LINGO2: variants seen among roughly 807,000 people sequenced by gnomAD.
LINGO2 encodes leucine rich repeat and Ig domain containing 2.
LINGO2 carries 14 observed loss-of-function variants against 30.6 expected under a neutral mutation model. The observed-to-expected ratio is 0.46, with a 90% CI of 0.30 to 0.72. The LOEUF is 0.72. Among genes scored for constraint, LINGO2 ranks in the 30% least tolerant of loss-of-function variants. LINGO2 has a pLI of 0.07. For synonymous variants in LINGO2, 317 were observed against 288.5 expected (o/e 1.10, Z -1.00); for missense variants, 729 against 751.7 (o/e 0.97, Z 0.35).
intron 4 of LINGO2, among the ~76,000 whole-genome samples, chr9:28,057,420 G>A (rs1457496333): frequency 6.6e-6 from 1 of 151,516 alleles, no homozygotes; most frequent in East Asian, 1.9e-4. Flanking sequence ...CGCTTTTGAG[G>A]ATTAGTGTTC....
intron 5 of LINGO2, among the ~76,000 whole-genome samples, chr9:27,981,438 A>T (rs1339144718): frequency 1.3e-5 from 2 of 150,816 alleles, no homozygotes; most frequent in African/African-American, 2.4e-5. Flanking sequence ...TTATTTCTAC[A>T]AACCTCACAC....
intron 1 of LINGO2, among the ~76,000 whole-genome samples, chr9:28,646,588 G>T (rs987049569): frequency 6.6e-6 from 1 of 151,664 alleles, no homozygotes; most frequent in African/African-American, 2.4e-5. Context: ...AAAATAGAAA[G>T]ATTGATCCAT....
At chr9:28,954,055 C>T in the LINGO2 span, among the ~76,000 whole-genome samples, 2 of 152,082 alleles carry the variant, frequency 1.3e-5, no homozygotes, top group African/African-American at 4.8e-5. Flanking sequence ...AGTGTCACAC[C>T]TATGGTAGCA....
chr9:28,103,575 AG>A (rs1462017926), intron 4 of LINGO2, among the ~76,000 whole-genome samples: 1 of 152,200 alleles, frequency 6.6e-6, no homozygotes, highest in Non-Finnish European at 1.5e-5. Context: ...CCCAAGAAGC[AG>A]AACTGCCACA....
intron 1 of LINGO2, among the ~76,000 whole-genome samples, chr9:28,619,834 G>A (rs1826311189): frequency 6.6e-6 from 1 of 151,986 alleles, no homozygotes; most frequent in South Asian, 2.1e-4. Flanking sequence ...AGCTTATAGG[G>A]GTGAAGTAAT....
the LINGO2 span, among the ~76,000 whole-genome samples, chr9:28,746,312 T>G: frequency 9.2e-5 from 14 of 152,066 alleles, 1 homozygote; most frequent in African/African-American, 3.1e-4. Context: ...TTACTTAATT[T>G]TAAATAAAAT....
At chr9:28,900,200 T>A in the LINGO2 span, among the ~76,000 whole-genome samples, 3 of 152,060 alleles carry the variant, frequency 2.0e-5, no homozygotes, top group Non-Finnish European at 2.9e-5. Flanking sequence ...AGCAGCTGGC[T>A]GGCCACTGGC....
intron 2 of LINGO2, among the ~76,000 whole-genome samples, chr9:28,429,947 C>T (rs1369494506): frequency 6.6e-6 from 1 of 152,074 alleles, no homozygotes; most frequent in Non-Finnish European, 1.5e-5. Context: ...TTTGCAAACC[C>T]CTGTAGCACC....
intron 4 of LINGO2, among the ~76,000 whole-genome samples, chr9:28,229,017 T>G (rs537352010): frequency 6.6e-6 from 1 of 151,938 alleles, no homozygotes; most frequent in South Asian, 2.1e-4. Context: ...CCACATTTAT[T>G]AATCAGAATA....
chr9:28,531,206 CA>C (rs1461812877), intron 1 of LINGO2, among the ~76,000 whole-genome samples: 1 of 151,944 alleles, frequency 6.6e-6, no homozygotes, highest in Non-Finnish European at 1.5e-5. Flanking sequence ...TCCAAAATGA[CA>C]TATGATCAGC....
chr9:29,200,239 C>T, the LINGO2 span, among the ~76,000 whole-genome samples: 4 of 152,024 alleles, frequency 2.6e-5, no homozygotes, highest in Non-Finnish European at 5.9e-5. Flanking sequence ...GACTCTGTAA[C>T]ATTGGCCAAA....
intron 1 of LINGO2, among the ~76,000 whole-genome samples, chr9:28,520,502 T>G (rs1820788315): frequency 6.6e-6 from 1 of 152,168 alleles, no homozygotes; most frequent in Admixed American, 6.5e-5. Context: ...TGCTTTTCTT[T>G]TTTAAGGCAG....
At chr9:28,662,376 T>C (rs980940049) in intron 1 of LINGO2, among the ~76,000 whole-genome samples, 4 of 152,198 alleles carry the variant, frequency 2.6e-5, no homozygotes, top group African/African-American at 7.2e-5. Context: ...GTCTAAATTG[T>C]TCTTGACACA....
At chr9:28,110,944 T>C (rs1176829029) in intron 4 of LINGO2, among the ~76,000 whole-genome samples, 4 of 152,152 alleles carry the variant, frequency 2.6e-5, no homozygotes, top group Non-Finnish European at 4.4e-5. Flanking sequence ...CATGTATGCT[T>C]ATTGCAGCAC....
chr9:28,903,369 T>G, the LINGO2 span, among the ~76,000 whole-genome samples: 2 of 152,084 alleles, frequency 1.3e-5, no homozygotes. Context: ...GAAAGGAGAT[T>G]GAATCAGAAA....
chr9:28,178,587 A>G (rs1328327001), intron 4 of LINGO2, among the ~76,000 whole-genome samples: 1 of 152,146 alleles, frequency 6.6e-6, no homozygotes, highest in African/African-American at 2.4e-5. Context: ...ATAACAGGAA[A>G]TTATCTTCTC....
At chr9:28,377,419 C>T (rs1821172692) in intron 2 of LINGO2, among the ~76,000 whole-genome samples, 1 of 152,160 alleles carries the variant, frequency 6.6e-6, no homozygotes. Flanking sequence ...GCATACAATA[C>T]ATATAATATA....
At chr9:28,984,129 T>C in the LINGO2 span, among the ~76,000 whole-genome samples, 23 of 152,124 alleles carry the variant, frequency 1.5e-4, no homozygotes, top group African/African-American at 5.1e-4. Flanking sequence ...CAGTTATGTC[T>C]GCAGTAATCT....
the LINGO2 span, among the ~76,000 whole-genome samples, chr9:29,102,243 G>A: frequency 5.3e-5 from 8 of 152,022 alleles, no homozygotes; most frequent in Admixed American, 2.0e-4. Flanking sequence ...CACCATGCCC[G>A]GCTAATTTTT....
Sources: allele counts gnomAD v4.1 joint callset (sites outside exome capture counted in the v4.1 genomes callset), GRCh38; gene constraint gnomAD v4.1.1; transcripts MANE v1.5; gene names NCBI Gene and HGNC (gene_info 2026-07-23, HGNC 2026-07-21).